The following SVEP1 variants were observed in gnomAD, a reference collection of about 807,000 sequenced individuals.
SVEP1 encodes the protein sushi, von Willebrand factor type A, EGF and pentraxin domain-containing protein 1.
SVEP1 carries 164 observed loss-of-function variants against 367.3 expected under a neutral mutation model. The observed-to-expected ratio is 0.45, with a 90% confidence interval of 0.39 to 0.51. The LOEUF is 0.51. Among genes scored for constraint, SVEP1 ranks in the 20% least tolerant of loss-of-function variants. SVEP1 has a pLI of 0.00. For missense variants in SVEP1, 4,117 were observed against 4,425.3 expected, an observed-to-expected ratio of 0.93 and a Z score of 1.98; for synonymous variants, 1,666 against 1,611.6, an observed-to-expected ratio of 1.03 and a Z score of -0.81.
At chr9:110,521,060 A>C (rs976486686) in intron 3 of SVEP1, among the ~76,000 whole-genome samples, 1 of 152,206 alleles carries the variant, frequency 6.6e-6, no homozygotes, top group Non-Finnish European at 1.5e-5. Context: ...TGTTCCTACA[A>C]AGAGTTGTGC....
chr9:110,445,502 GGT>G (rs1274412246), intron 26 of SVEP1, among the ~76,000 whole-genome samples: 4 of 152,278 alleles, frequency 2.6e-5, no homozygotes, highest in African/African-American at 9.6e-5. Context: ...CTACTCCCAA[GGT>G]GTGAGATCTG....
intron 1 of SVEP1, among the ~76,000 whole-genome samples, chr9:110,558,240 C>T (rs1830378297): frequency 6.7e-6 from 1 of 149,954 alleles, no homozygotes; most frequent in Admixed American, 6.7e-5. Context: ...GGTGCTGTGG[C>T]TCACACCTGT....
Position 110,366,562 on chromosome 9 carries a change from TG to T in SVEP1, c.10695-3del, listed in dbSNP as rs1397170223. The T allele has an allele frequency of 6.7e-7, 1 of 1,500,426 alleles. No homozygotes were observed. The highest frequency in any genetic ancestry group is 8.8e-7 in the Non-Finnish European group (1 of 1,133,006). The allele number at this position is 1,500,426 out of a possible 1,614,324, so 92.9% of individuals were successfully genotyped here. On this transcript the variant is annotated splice_region_variant and splice_polypyrimidine_tract_variant and intron_variant, in intron 47 of 47. Coordinates refer to ENST00000374469, the MANE Select transcript of SVEP1 (RefSeq NM_153366.4). Reference sequence around the variant, plus strand: ...GGTTAAAACCCAGTCCTCCTTTTCCTGGAAAAAAAAAAAAAAGCAACCAAAT... The same window carrying T: ...GGTTAAAACCCAGTCCTCCTTTTCCTGAAAAAAAAAAAAAAGCAACCAAAT...
In SVEP1 at chr9:110,392,133, T is replaced by TTTTATATATATATATATATA. The variant is rs1554710906; in HGVS notation, c.9823-2547_9823-2546insTATATATATATATATATAAA. Reference sequence around the variant, plus strand: ...CATTAACTTGTGACCCAATTCCTCATTATATATATATATATATATATCTCT... The same window carrying TTTTATATATATATATATATA: ...CATTAACTTGTGACCCAATTCCTCATTTTATATATATATATATATATATATATATATATATATATATCTCT... On this transcript the variant is annotated intron_variant, in intron 40 of 47. Transcript: ENST00000374469. Among the ~76,000 whole-genome samples the TTTTATATATATATATATATA allele has an allele frequency of 0.012, 1,158 of 99,328 alleles. 64 individuals carry two copies. The East Asian group carries it at 0.12, about 10-fold the overall frequency. 65.2% of individuals were successfully genotyped at this position (99,328 alleles called of 152,430 possible).
At chr9:110,487,768 A>T (rs4419883) in intron 9 of SVEP1, among the ~76,000 whole-genome samples, 7 of 151,918 alleles carry the variant, frequency 4.6e-5, no homozygotes, top group African/African-American at 1.7e-4. Flanking sequence ...ATATATTATC[A>T]CAAATTAAAA....
At chr9:110,366,807 T>TTCTA (rs535630121) in intron 47 of SVEP1, among the ~76,000 whole-genome samples, 8 of 152,338 alleles carry the variant, frequency 5.3e-5, no homozygotes, top group Middle Eastern at 6.8e-3. Flanking sequence ...GCCACTAGTT[T>TTCTA]TCTATCTATC....
rs780197786 is a variant in SVEP1, at chr9:110,450,067, A to G, written c.4095T>C (p.Asn1365=). ...KNGATCKDGA[N]SFRCLCAAGF... ...CAGACTTAGCCTTTTACCTGAAGCTATTGGCACCGTCTTTACAGGTAGCTC... is the reference window on the plus strand; with the variant it reads ...CAGACTTAGCCTTTTACCTGAAGCTGTTGGCACCGTCTTTACAGGTAGCTC... The change falls in exon 24 of 48, where the codon AAT becomes AAC. Residue 1365 remains asparagine (N), a synonymous_variant. Transcript: ENST00000374469. 1 of 1,613,762 alleles carries G rather than the reference A, an allele frequency of 6.2e-7. No homozygotes were observed. Among genetic ancestry groups the G allele is most frequent in the East Asian group, 2.2e-5 (1 of 44,904 alleles).
chr9:110,470,017 G>C (rs957295602), intron 16 of SVEP1, among the ~76,000 whole-genome samples: 1 of 152,180 alleles, frequency 6.6e-6, no homozygotes, highest in African/African-American at 2.4e-5. Flanking sequence ...AAGGGCACAA[G>C]AACCCACGTT....
chr9:110,453,660 G>T (rs1192630358), intron 22 of SVEP1, among the ~76,000 whole-genome samples: 2 of 152,088 alleles, frequency 1.3e-5, no homozygotes, highest in African/African-American at 2.4e-5. Context: ...TTGAGGTCAG[G>T]AGTTCAAGAC....
Position 110,379,472 on chromosome 9 carries a change from C to T in SVEP1, c.10283G>A (p.Arg3428Gln), listed in dbSNP as rs201064336. 3.0e-5 allele frequency: 49 copies of T among 1,613,756 alleles called. No homozygotes were observed. In the South Asian group the frequency reaches 4.7e-4, roughly 16 times the overall value. Residue 3428 changes from arginine to glutamine, a missense_variant, in exon 44 of 48, where the codon CGA becomes CAA. This residue lies in a region of SVEP1 where 1,765 missense variants were observed against 1,781.1 expected (regional missense o/e 0.99). Coordinates refer to ENST00000374469, the MANE Select transcript of SVEP1 (RefSeq NM_153366.4). ...GTCTCCATATTGATAATGTACGCCT[C>T]GAGCAATTGCATTTTCTACGTGAGC... is the stretch of plus-strand genomic sequence containing the variant. ...PPAHVENAIA[R>Q]GVHYQYGDMI... is the part of the protein sequence containing the mutation.
intron 43 of SVEP1, among the ~76,000 whole-genome samples, chr9:110,382,415 G>C (rs1336465261): frequency 6.6e-6 from 1 of 152,116 alleles, no homozygotes; most frequent in Non-Finnish European, 1.5e-5. Context: ...TGGCTTTTAG[G>C]GCTTCTGCAG....
chr9:110,492,968 A>T (rs1889324), intron 8 of SVEP1, among the ~76,000 whole-genome samples: 32,629 of 151,920 alleles, frequency 0.21, 3,713 homozygotes, highest in Middle Eastern at 0.38. Flanking sequence ...GGCTTATTTG[A>T]GCAATATGGA....
chr9:110,385,270 C>T (rs538988655), intron 43 of SVEP1, among the ~76,000 whole-genome samples: 22 of 152,286 alleles, frequency 1.4e-4, no homozygotes, highest in South Asian at 4.1e-4. Context: ...TGTGAGCCAC[C>T]GCACCCAGCT....
Position 110,407,958 on chromosome 9 carries a change from C to A in SVEP1, c.7642G>T (p.Ala2548Ser). Residue 2548 changes from alanine (A) to serine (S), a missense_variant, in exon 38 of 48, where the codon GCC becomes TCC. This residue lies in a region of SVEP1 where 1,765 missense variants were observed against 1,781.1 expected (regional missense o/e 0.99). Coordinates refer to ENST00000374469, the MANE Select transcript of SVEP1 (RefSeq NM_153366.4). The part of the protein sequence containing the change: ...CLETGDWDVD[A>S]PSCNAIHCDS... Reference sequence around the variant, plus strand: ...CAGTGGATGGCATTGCAAGATGGGGCATCTACATCCCAATCACCTGTCTCT... The same window carrying A: ...CAGTGGATGGCATTGCAAGATGGGGAATCTACATCCCAATCACCTGTCTCT... The A allele has an allele frequency of 6.2e-7, 1 of 1,613,992 alleles. No individual in the cohort carries two copies. Among genetic ancestry groups the A allele is most frequent in the Non-Finnish European group, 8.5e-7 (1 of 1,179,888 alleles).
At chr9:110,488,230 G>A (rs540410550) in intron 9 of SVEP1, among the ~76,000 whole-genome samples, 1 of 152,152 alleles carries the variant, frequency 6.6e-6, no homozygotes, top group Non-Finnish European at 1.5e-5. Flanking sequence ...TTTAGGTTTA[G>A]GTGAGTTTGA....
rs776328574 is a variant in SVEP1 at position 110,471,381 on chromosome 9, A to G, written c.2981T>C (p.Leu994Pro). ...ASPFCRPGSVLRGRMCVNCPL... is the reference protein window; with the variant it reads ...ASPFCRPGSVPRGRMCVNCPL... ...AGTCTTACCACACATACGCCCTCTC[A>G]GCACTGAGCCTGGTCTGCAGAAGGG... is the stretch of plus-strand genomic sequence containing the variant. The change falls in exon 16 of 48, where the codon CTG becomes CCG. Residue 994 changes from leucine to proline, a missense_variant. This residue lies in a region of SVEP1 where 2,174 missense variants were observed against 2,494.3 expected (regional missense o/e 0.87). Coordinates refer to ENST00000374469, the MANE Select transcript of SVEP1 (RefSeq NM_153366.4). 5.0e-6 allele frequency: 8 copies of G among 1,613,816 alleles called. No homozygotes were observed. Among genetic ancestry groups the G allele is most frequent in the Middle Eastern group, 1.6e-4 (1 of 6,084 alleles).
chr9:110,446,117 C>T, intron 25 of SVEP1, 79 bp from the exon 26 acceptor site: 1 of 1,278,654 alleles, frequency 7.8e-7, no homozygotes, highest in Non-Finnish European at 1.1e-6. Context: ...GTGCTATTGT[C>T]AAAGAAGCTC....
intron 3 of SVEP1, among the ~76,000 whole-genome samples, chr9:110,537,178 T>C (rs538329355): frequency 6.6e-6 from 1 of 152,094 alleles, no homozygotes; most frequent in Non-Finnish European, 1.5e-5. Context: ...TGACATCAAT[T>C]TAACACAACT....
intron 37 of SVEP1, among the ~76,000 whole-genome samples, chr9:110,409,192 T>G (rs1480745647): frequency 6.6e-6 from 1 of 152,114 alleles, no homozygotes; most frequent in East Asian, 1.9e-4. Flanking sequence ...TCCCAGCACT[T>G]TGGGAGGCCG....
Sources: allele counts gnomAD v4.1 joint callset (sites outside exome capture counted in the v4.1 genomes callset), GRCh38; gene constraint gnomAD v4.1.1; regional missense constraint gnomAD v4.1.1; transcripts MANE v1.5; gene names NCBI Gene and HGNC (gene_info 2026-07-23, HGNC 2026-07-21).